The following NDUFAF6 variants were observed in gnomAD, a reference collection of about 807,000 sequenced individuals.
NDUFAF6 encodes NADH dehydrogenase (ubiquinone) complex I, assembly factor 6.
Under a neutral mutation model 40.8 loss-of-function variants are expected in NDUFAF6, and 45 were observed. That is an observed-to-expected ratio of 1.10 (90% CI 0.87 to 1.42). NDUFAF6 has a LOEUF of 1.42. NDUFAF6 is among the 40% of genes most tolerant of loss of function. NDUFAF6 has a pLI of 0.00. For missense variants in NDUFAF6, 435 were observed against 418.5 expected, an observed-to-expected ratio of 1.04 and a Z score of -0.34; for synonymous variants, 185 against 155.9, an observed-to-expected ratio of 1.19 and a Z score of -1.39.
chr8:95,037,131 A>C (rs1035617555), intron 3 of NDUFAF6, among the ~76,000 whole-genome samples: 1 of 152,194 alleles, frequency 6.6e-6, no homozygotes, highest in Non-Finnish European at 1.5e-5. Flanking sequence ...TCCATTCTAG[A>C]TGGGTTCCCC....
intron 2 of NDUFAF6, among the ~76,000 whole-genome samples, chr8:95,004,639 C>A (rs1018863324): frequency 2.6e-5 from 4 of 152,114 alleles, no homozygotes; most frequent in Non-Finnish European, 5.9e-5. Context: ...CGTGAGCCAC[C>A]ACACCCAGCC....
At chr8:95,016,436 T>C (rs1319591110) in intron 2 of NDUFAF6, among the ~76,000 whole-genome samples, 3 of 152,208 alleles carry the variant, frequency 2.0e-5, no homozygotes, top group Non-Finnish European at 1.5e-5. Context: ...TTCTAACTAC[T>C]GGTGAGCAGT....
intron 2 of NDUFAF6, chr8:94,989,105 A>G (rs1320605744): frequency 6.6e-6 from 1 of 152,224 alleles, no homozygotes; most frequent in Admixed American, 6.5e-5. Flanking sequence ...AAAACCATTT[A>G]ATTGTACATT....
chr8:94,978,754 T>G (rs538828931), intron 1 of NDUFAF6, among the ~76,000 whole-genome samples: 14 of 151,524 alleles, frequency 9.2e-5, no homozygotes, highest in African/African-American at 2.9e-4. Context: ...TAGGTAAACA[T>G]AAGTGTTTCC....
intron 1 of NDUFAF6, among the ~76,000 whole-genome samples, chr8:94,922,515 G>A (rs1410697038): frequency 2.0e-5 from 3 of 146,892 alleles, no homozygotes; most frequent in East Asian, 4.0e-4. Context: ...GTCTCACTCC[G>A]TCACCCAGGC....
At chr8:94,969,281 A>G (rs1029951824) in intron 1 of NDUFAF6, among the ~76,000 whole-genome samples, 1 of 152,218 alleles carries the variant, frequency 6.6e-6, no homozygotes, top group African/African-American at 2.4e-5. Flanking sequence ...AGAGAAACCA[A>G]TGACAAAGGG....
chr8:94,932,678 C>T lies in NDUFAF6; in HGVS notation c.-935-12805C>T, dbSNP rs190467223. Among the ~76,000 whole-genome samples the T allele has an allele frequency of 4.7e-3, 716 of 152,250 alleles. 4 individuals carry two copies. Among genetic ancestry groups the T allele is most frequent in the African/African-American group, 0.016 (684 of 41,532 alleles). On this transcript the variant is annotated intron_variant, in intron 1 of 14. Coordinates refer to the NDUFAF6 transcript ENST00000396113. ...ATTAGCTGGGTGCGGTGGCGGGCGCCTGTAGTCCCAGCTACTCGGGAGGCT... is the reference window on the plus strand; with the variant it reads ...ATTAGCTGGGTGCGGTGGCGGGCGCTTGTAGTCCCAGCTACTCGGGAGGCT...
chr8:94,962,505 C>A (rs567992100), intron 1 of NDUFAF6, among the ~76,000 whole-genome samples: 160 of 152,292 alleles, frequency 1.1e-3, no homozygotes, highest in Admixed American at 2.8e-3. Flanking sequence ...GTTGGCCAGG[C>A]TAGTCTCAAA....
At chr8:94,983,489 C>T (rs1013232567) in intron 2 of NDUFAF6, among the ~76,000 whole-genome samples, 2 of 152,096 alleles carry the variant, frequency 1.3e-5, no homozygotes, top group African/African-American at 2.4e-5. Flanking sequence ...TGGTCTTGAA[C>T]GCCTGACCTC....
chr8:95,023,452 G>A (rs1461207121), upstream of NDUFAF6: 2 of 152,260 alleles, frequency 1.3e-5, no homozygotes, highest in African/African-American at 4.8e-5. Context: ...CCAGAGTTGA[G>A]GCAGAAAGGT....
At chr8:95,099,338 G>GA (rs10647991), upstream of NDUFAF6, among the ~76,000 whole-genome samples, 113 of 140,988 alleles carry the variant, frequency 8.0e-4, no homozygotes, top group Non-Finnish European at 7.7e-4. Context: ...CTTCCAGCTG[G>GA]AAAAAAAAAA....
chr8:95,109,795 G>A (rs941980894), intron 4 of NDUFAF6, among the ~76,000 whole-genome samples: 7 of 152,140 alleles, frequency 4.6e-5, no homozygotes, highest in African/African-American at 1.7e-4. Flanking sequence ...CTGCTTTGCT[G>A]ATAAGGAAAC....
chr8:95,017,099 A>ATTTTTTTT (rs781650429), intron 2 of NDUFAF6, among the ~76,000 whole-genome samples: 3 of 111,882 alleles, frequency 2.7e-5, no homozygotes, highest in Non-Finnish European at 3.6e-5. Flanking sequence ...TGCCCAGCTA[A>ATTTTTTTT]TTTTTTTTTT....
downstream of NDUFAF6, among the ~76,000 whole-genome samples, chr8:95,116,963 A>G (rs983513599): frequency 2.0e-5 from 3 of 152,182 alleles, no homozygotes; most frequent in African/African-American, 7.2e-5. Context: ...CAGAGTCCCA[A>G]AGCAGATGCC....
downstream of NDUFAF6, among the ~76,000 whole-genome samples, chr8:95,107,941 G>T (rs191366159): frequency 7.0e-4 from 107 of 152,312 alleles, 1 homozygote; most frequent in African/African-American, 2.5e-3. Context: ...TGGGCCACAT[G>T]AGTTTGGTTA....
chr8:95,102,090 C>T (rs1809667949), intron 2 of NDUFAF6, among the ~76,000 whole-genome samples: 2 of 152,132 alleles, frequency 1.3e-5, no homozygotes, highest in African/African-American at 4.8e-5. Context: ...CTCCACCTCC[C>T]GGGTTCAAGT....
chr8:94,933,590 C>A (rs1413426065), intron 1 of NDUFAF6, among the ~76,000 whole-genome samples: 3 of 152,010 alleles, frequency 2.0e-5, no homozygotes, highest in African/African-American at 7.2e-5. Context: ...CATGGTGAAA[C>A]CCTGTCTCTA....
chr8:95,020,682 A>C (rs571226796), upstream of NDUFAF6, among the ~76,000 whole-genome samples: 16 of 152,310 alleles, frequency 1.1e-4, no homozygotes, highest in East Asian at 3.9e-4. Flanking sequence ...AGAACGATAC[A>C]CTAACACCTC....
intron 1 of NDUFAF6, chr8:94,926,893 T>C (rs967807941): frequency 4.6e-5 from 7 of 152,206 alleles, no homozygotes; most frequent in Admixed American, 1.3e-4. Context: ...ATTTTAAGCA[T>C]TAAAGTAAGT....
Sources: allele counts gnomAD v4.1 joint callset (sites outside exome capture counted in the v4.1 genomes callset), GRCh38; gene constraint gnomAD v4.1.1; transcripts MANE v1.5; gene names NCBI Gene and HGNC (gene_info 2026-07-23, HGNC 2026-07-21).